The following CAMK2D variants were observed in gnomAD, a reference collection of about 807,000 sequenced individuals.
CAMK2D encodes the protein calcium/calmodulin dependent protein kinase II delta.
Under a neutral mutation model 84.0 loss-of-function variants are expected in CAMK2D, and 37 were observed. That is an observed-to-expected ratio of 0.44 (90% CI 0.34 to 0.58). CAMK2D has a LOEUF of 0.58. Among genes scored for constraint, CAMK2D ranks in the 20% least tolerant of loss-of-function variants. CAMK2D has a pLI of 0.02. For synonymous variants in CAMK2D, 202 were observed against 212.5 expected (o/e 0.95, Z 0.43); for missense variants, 448 against 652.5 (o/e 0.69, Z 3.41).
chr4:113,538,014 A>C (rs1360526081), intron 6 of CAMK2D, among the ~76,000 whole-genome samples: 1 of 152,198 alleles, frequency 6.6e-6, no homozygotes, highest in East Asian at 1.9e-4. Flanking sequence ...TGCTGTCTTT[A>C]AGAATCTGTT....
chr4:113,757,446 T>C (rs1277202399), intron 2 of CAMK2D, among the ~76,000 whole-genome samples: 3 of 152,082 alleles, frequency 2.0e-5, no homozygotes, highest in African/African-American at 4.8e-5. Context: ...CCAGTAGGTA[T>C]GGGCAGCAGA....
At chr4:113,696,901 T>C (rs2099404471) in intron 2 of CAMK2D, among the ~76,000 whole-genome samples, 1 of 96,634 alleles carries the variant, frequency 1.0e-5, no homozygotes, top group South Asian at 3.3e-4. Flanking sequence ...CTGCATCTAA[T>C]GGAAAGATGG....
chr4:113,731,735 G>A (rs550150129), intron 2 of CAMK2D, among the ~76,000 whole-genome samples: 8 of 152,072 alleles, frequency 5.3e-5, no homozygotes, highest in African/African-American at 2.4e-5. Context: ...ACAGGCGCGC[G>A]CCACTATGCC....
intron 8 of CAMK2D, among the ~76,000 whole-genome samples, chr4:113,528,574 T>G (rs2098437487): frequency 6.6e-6 from 1 of 152,188 alleles, no homozygotes; most frequent in African/African-American, 2.4e-5. Context: ...ATGTCCCTTA[T>G]GCTGAGTCCT....
At chr4:113,600,563 A>G (rs2154259415) in intron 4 of CAMK2D, among the ~76,000 whole-genome samples, 1 of 152,356 alleles carries the variant, frequency 6.6e-6, no homozygotes, top group South Asian at 2.1e-4. Context: ...AAGATGAATT[A>G]TAATAAATAT....
chr4:113,645,554 G>A (rs1347449378), intron 3 of CAMK2D, among the ~76,000 whole-genome samples: 1 of 152,160 alleles, frequency 6.6e-6, no homozygotes, highest in Non-Finnish European at 1.5e-5. Context: ...GACAGTGAGA[G>A]ATAACCAACC....
At chr4:113,603,586 T>C (rs1205841408) in intron 4 of CAMK2D, among the ~76,000 whole-genome samples, 2 of 151,140 alleles carry the variant, frequency 1.3e-5, no homozygotes, top group Non-Finnish European at 3.0e-5. Context: ...CATAAAAGCC[T>C]TTCCCATTCA....
intron 16 of CAMK2D, among the ~76,000 whole-genome samples, chr4:113,487,645 G>C (rs1450606405): frequency 6.6e-6 from 1 of 151,958 alleles, no homozygotes; most frequent in Non-Finnish European, 1.5e-5. Flanking sequence ...GTTTAAAGTA[G>C]TAACTTTATA....
At chr4:113,541,194 T>C (rs1206048199) in intron 6 of CAMK2D, among the ~76,000 whole-genome samples, 4 of 152,142 alleles carry the variant, frequency 2.6e-5, no homozygotes, top group African/African-American at 9.7e-5. Context: ...ATAAAATAAC[T>C]CAAACCTTTC....
intron 2 of CAMK2D, among the ~76,000 whole-genome samples, chr4:113,738,540 A>T (rs2099586281): frequency 1.3e-5 from 2 of 152,154 alleles, no homozygotes; most frequent in Non-Finnish European, 1.5e-5. Flanking sequence ...AAATATTTTT[A>T]ATGTGTTATT....
intron 4 of CAMK2D, among the ~76,000 whole-genome samples, chr4:113,596,156 CATTCATA>C (rs1236466601): frequency 1.3e-5 from 2 of 152,170 alleles, no homozygotes; most frequent in Non-Finnish European, 2.9e-5. Context: ...TTTATTTGCT[CATTCATA>C]AGAAGCAACT....
At chr4:113,703,890 C>G (rs999165962) in intron 2 of CAMK2D, among the ~76,000 whole-genome samples, 1 of 145,274 alleles carries the variant, frequency 6.9e-6, no homozygotes, top group Non-Finnish European at 1.5e-5. Flanking sequence ...TTTTGAATTT[C>G]TGCCATGGTT....
chr4:113,549,175 C>T (rs2098605736), intron 5 of CAMK2D, among the ~76,000 whole-genome samples: 1 of 152,062 alleles, frequency 6.6e-6, no homozygotes, highest in African/African-American at 2.4e-5. Context: ...AGAGGGTAAA[C>T]ACAGATGAAG....
intron 2 of CAMK2D, among the ~76,000 whole-genome samples, chr4:113,726,374 C>CTTTTTTTTTTTTTT: frequency 1.4e-5 from 1 of 69,544 alleles, no homozygotes; most frequent in Non-Finnish European, 2.5e-5. Context: ...TTTGCTTGGG[C>CTTTTTTTTTTTTTT]TTTTTTTTTT....
At chr4:113,685,239 C>A (rs1021941063) in intron 2 of CAMK2D, among the ~76,000 whole-genome samples, 1 of 137,628 alleles carries the variant, frequency 7.3e-6, no homozygotes, top group African/African-American at 2.7e-5. Context: ...TTTCAGACTT[C>A]TTTTTTTTTT....
chr4:113,610,316 G>A (rs1476919124), intron 3 of CAMK2D, among the ~76,000 whole-genome samples: 5 of 152,080 alleles, frequency 3.3e-5, no homozygotes. Flanking sequence ...AAGCAACAAA[G>A]TTTTAGGACA....
intron 4 of CAMK2D, among the ~76,000 whole-genome samples, chr4:113,559,769 T>C (rs2098689702): frequency 1.3e-5 from 2 of 152,250 alleles, no homozygotes; most frequent in African/African-American, 4.8e-5. Flanking sequence ...AATGAGCATT[T>C]ATTTAGCCAC....
intron 4 of CAMK2D, among the ~76,000 whole-genome samples, chr4:113,600,669 G>T (rs189801636): frequency 6.6e-6 from 1 of 152,126 alleles, no homozygotes; most frequent in African/African-American, 2.4e-5. Context: ...ACAGGGTCTC[G>T]CTCTGTCAAC....
At chr4:113,740,120 T>C (rs1206557938) in intron 2 of CAMK2D, among the ~76,000 whole-genome samples, 1 of 152,158 alleles carries the variant, frequency 6.6e-6, no homozygotes, top group Non-Finnish European at 1.5e-5. Context: ...ATTTCTTGAA[T>C]GTGTGTATGT....
Sources: allele counts gnomAD v4.1 joint callset (sites outside exome capture counted in the v4.1 genomes callset), GRCh38; gene constraint gnomAD v4.1.1; transcripts MANE v1.5; gene names NCBI Gene and HGNC (gene_info 2026-07-23, HGNC 2026-07-21).